Variants in PLXNA4 observed in about 807,000 individuals in gnomAD.
The protein encoded by PLXNA4 is plexin-A4.
Under a neutral mutation model 191.8 loss-of-function variants are expected in PLXNA4, and 44 were observed. The observed-to-expected ratio is 0.23, with a 90% confidence interval of 0.18 to 0.29. The LOEUF (loss-of-function observed/expected upper bound fraction) is 0.29. Among genes scored for constraint, PLXNA4 ranks in the 10% least tolerant of loss-of-function variants. The pLI is 1.00. For missense variants in PLXNA4, 1,800 were observed against 2,488.8 expected, an observed-to-expected ratio of 0.72 and a Z score of 5.89; for synonymous variants, 1,082 against 1,009.5, an observed-to-expected ratio of 1.07 and a Z score of -1.36.
chr7:132,185,207 A>T (rs939967263), intron 16 of PLXNA4, 92 bp downstream of exon 16: 2 of 1,490,316 alleles, frequency 1.3e-6, no homozygotes, highest in African/African-American at 2.8e-5. Context: ...CCCAAGCAGG[A>T]CTGGGCCCCC....
intron 1 of PLXNA4, among the ~76,000 whole-genome samples, chr7:132,567,545 G>T (rs910730145): frequency 2.0e-5 from 3 of 152,124 alleles, no homozygotes; most frequent in Non-Finnish European, 4.4e-5. Flanking sequence ...TGCAGAGTAA[G>T]AACCCACCAT....
chr7:132,267,636 G>C (rs1207751261), intron 4 of PLXNA4, among the ~76,000 whole-genome samples: 1 of 152,144 alleles, frequency 6.6e-6, no homozygotes, highest in Non-Finnish European at 1.5e-5. Context: ...TCAAAACTTA[G>C]AGCTCTGCCA....
Position 132,201,222 on chromosome 7 carries a change from C to T in PLXNA4, c.2586+1424G>A, listed in dbSNP as rs1189868747. 5.3e-5 allele frequency among the ~76,000 whole-genome samples: 8 copies of T among 152,116 alleles called. No individual in the cohort carries two copies. The South Asian group carries it at 1.0e-3, about 20-fold the overall frequency. ...TTCCCTCACAGCCCTCAGGAGGAAC[C>T]GACCCTGCCAACACCTTGATCTTGA... is the stretch of plus-strand genomic sequence containing the variant. On this transcript the variant is annotated intron_variant, in intron 12 of 31. Transcript: ENST00000321063.
chr7:132,474,716 C>T (rs1797062998), intron 3 of PLXNA4, among the ~76,000 whole-genome samples: 1 of 152,204 alleles, frequency 6.6e-6, no homozygotes, highest in Non-Finnish European at 1.5e-5. Context: ...GCTGTTTCCC[C>T]TGCAGAGCCC....
At chr7:132,155,330 T>C (rs1017223295) in intron 25 of PLXNA4, among the ~76,000 whole-genome samples, 3 of 152,108 alleles carry the variant, frequency 2.0e-5, no homozygotes, top group African/African-American at 4.8e-5. Context: ...AGATTCTCCA[T>C]CTGTGCAGGG....
intron 2 of PLXNA4, among the ~76,000 whole-genome samples, chr7:132,594,514 T>C (rs1363714987): frequency 2.0e-5 from 3 of 152,218 alleles, no homozygotes; most frequent in African/African-American, 4.8e-5. Context: ...GGTGAGCAAG[T>C]TGGACTTGAT....
intron 3 of PLXNA4, among the ~76,000 whole-genome samples, chr7:132,463,419 A>C (rs181401519): frequency 9.8e-4 from 149 of 152,280 alleles, no homozygotes; most frequent in Non-Finnish European, 1.8e-3. Context: ...CAGAGCCCTT[A>C]CTGTGTGCTT....
intron 3 of PLXNA4, among the ~76,000 whole-genome samples, chr7:132,401,460 C>T (rs534258035): frequency 8.5e-5 from 13 of 152,306 alleles, no homozygotes; most frequent in African/African-American, 3.1e-4. Flanking sequence ...GAAGGTGAGA[C>T]ACACACATGA....
At chr7:132,279,473 T>G (rs1300123417) in intron 4 of PLXNA4, among the ~76,000 whole-genome samples, 1 of 151,752 alleles carries the variant, frequency 6.6e-6, no homozygotes, top group Non-Finnish European at 1.5e-5. Flanking sequence ...TACCAAAAAT[T>G]TAAAACAAAA....
chr7:132,166,110 T>C (rs936261789), intron 22 of PLXNA4, among the ~76,000 whole-genome samples: 1 of 151,956 alleles, frequency 6.6e-6, no homozygotes, highest in African/African-American at 2.4e-5. Context: ...GGCAGGAGAA[T>C]CGCTTGAACC....
chr7:132,374,805 T>C (rs1804592471), intron 3 of PLXNA4, among the ~76,000 whole-genome samples: 1 of 152,206 alleles, frequency 6.6e-6, no homozygotes, highest in African/African-American at 2.4e-5. Context: ...GCAATTTCAC[T>C]ATCAACTCCA....
At chr7:132,292,394 A>G (rs1800925967) in intron 4 of PLXNA4, among the ~76,000 whole-genome samples, 1 of 152,170 alleles carries the variant, frequency 6.6e-6, no homozygotes, top group Non-Finnish European at 1.5e-5. Flanking sequence ...GGTAAAGAGG[A>G]ACATTCCTCA....
At chr7:132,217,974 T>C (rs544949537) in intron 9 of PLXNA4, among the ~76,000 whole-genome samples, 2 of 143,546 alleles carry the variant, frequency 1.4e-5, no homozygotes, top group African/African-American at 5.3e-5. Context: ...TTCCCTTGGG[T>C]TGGATCCCAG....
intron 3 of PLXNA4, among the ~76,000 whole-genome samples, chr7:132,335,862 C>A (rs1424590): frequency 6.6e-6 from 1 of 152,142 alleles, no homozygotes; most frequent in Non-Finnish European, 1.5e-5. Flanking sequence ...GTCTCAAGAC[C>A]TTTTTCCCAT....
chr7:132,489,566 T>C lies in PLXNA4; in HGVS notation c.1189-92A>G, dbSNP rs1585212228. On this transcript the variant is annotated intron_variant, in intron 2 of 31. Transcript: ENST00000321063. ...GGAAACTATGGAGGTAGAAGAATCC[T>C]TAGAGATGAAACATCTGGTAACAAT... 6 of 1,121,620 alleles carry C rather than the reference T, an allele frequency of 5.3e-6. No individual in the cohort carries two copies. In the East Asian group the frequency reaches 1.6e-4, roughly 29 times the overall value. 69.5% of individuals were successfully genotyped at this position (1,121,620 alleles called of 1,614,324 possible).
intron 3 of PLXNA4, among the ~76,000 whole-genome samples, chr7:132,318,841 G>A (rs890760251): frequency 4.6e-5 from 7 of 152,012 alleles, no homozygotes; most frequent in African/African-American, 1.7e-4. Flanking sequence ...GTGTGTGCGC[G>A]GGTCTCTGCC....
At chr7:132,550,698 G>A (rs779781957) in intron 1 of PLXNA4, among the ~76,000 whole-genome samples, 14 of 152,146 alleles carry the variant, frequency 9.2e-5, no homozygotes, top group South Asian at 2.1e-4. Context: ...CAGACTCAGC[G>A]GGAGGAGGAA....
chr7:132,495,461 C>A (rs1797975026), intron 2 of PLXNA4, among the ~76,000 whole-genome samples: 1 of 152,132 alleles, frequency 6.6e-6, no homozygotes, highest in Admixed American at 6.5e-5. Context: ...ACCAGGTGAC[C>A]AGCAGGGATG....
intron 4 of PLXNA4, among the ~76,000 whole-genome samples, chr7:132,280,454 T>C (rs1281260003): frequency 6.6e-6 from 1 of 152,226 alleles, no homozygotes; most frequent in Non-Finnish European, 1.5e-5. Flanking sequence ...TCAAGCTCCA[T>C]AGTCATTCTG....
Sources: allele counts gnomAD v4.1 joint callset (sites outside exome capture counted in the v4.1 genomes callset), GRCh38; gene constraint gnomAD v4.1.1; transcripts MANE v1.5; gene names NCBI Gene and HGNC (gene_info 2026-07-23, HGNC 2026-07-21).